The following PRH1 variants were observed in gnomAD, a reference collection of about 807,000 sequenced individuals.
PRH1 encodes salivary acidic proline-rich phosphoprotein 1/2.
Under a neutral mutation model 7.9 loss-of-function variants are expected in PRH1, and 7 were observed. The ratio of observed to expected loss-of-function variants is 0.89; its 90% CI spans 0.50 to 1.67. The LOEUF (loss-of-function observed/expected upper bound fraction) is 1.67, where lower values mean the gene tolerates loss of function less well. PRH1 is among the 40% of genes most tolerant of loss of function. PRH1 has a pLI of 0.00. For missense variants in PRH1, 109 were observed against 223.6 expected, an observed-to-expected ratio of 0.49 and a Z score of 3.27; for synonymous variants, 45 against 80.8, an observed-to-expected ratio of 0.56 and a Z score of 2.38.
intron 2 of PRH1, among the ~76,000 whole-genome samples, chr12:10,901,543 A>G (rs1317346131): frequency 6.6e-6 from 1 of 152,162 alleles, no homozygotes; most frequent in African/African-American, 2.4e-5. Flanking sequence ...AAGGCTGAGC[A>G]GGGAGTTCAC....
chr12:11,150,131 C>T (rs1365570826), intron 1 of PRH1, among the ~76,000 whole-genome samples: 2 of 151,698 alleles, frequency 1.3e-5, no homozygotes, highest in African/African-American at 4.8e-5. Context: ...TACCATCTCA[C>T]ACCAGTTAGA....
chr12:10,947,500 A>G (rs1402356735), intron 2 of PRH1, among the ~76,000 whole-genome samples: 1 of 151,622 alleles, frequency 6.6e-6, no homozygotes, highest in Admixed American at 6.6e-5. Flanking sequence ...TTCTCCATTT[A>G]TTTATTTTGA....
intron 1 of PRH1, among the ~76,000 whole-genome samples, chr12:10,977,922 T>TG (rs1452901032): frequency 6.6e-6 from 1 of 152,020 alleles, no homozygotes; most frequent in Non-Finnish European, 1.5e-5. Context: ...CACAGACAAG[T>TG]GGAAAAAGAT....
intron 1 of PRH1, chr12:11,022,275 A>T: frequency 6.2e-7 from 1 of 1,614,220 alleles, no homozygotes; most frequent in Non-Finnish European, 8.5e-7. Flanking sequence ...TGAGGCTAGC[A>T]GCAAGCCACA....
chr12:10,901,019 C>A (rs1285719078), intron 2 of PRH1, among the ~76,000 whole-genome samples: 1 of 152,186 alleles, frequency 6.6e-6, no homozygotes, highest in East Asian at 1.9e-4. Context: ...CTCCCCTACC[C>A]TTCCTGTGCA....
At chr12:11,153,485 C>T (rs1440768180) in intron 1 of PRH1, among the ~76,000 whole-genome samples, 1 of 152,138 alleles carries the variant, frequency 6.6e-6, no homozygotes, top group African/African-American at 2.4e-5. Flanking sequence ...CCTGTAATGG[C>T]AGATCCCAAA....
chr12:11,045,967 T>G (rs188982614), intron 1 of PRH1, among the ~76,000 whole-genome samples: 2,099 of 152,226 alleles, frequency 0.014, 31 homozygotes, highest in Non-Finnish European at 0.017. Flanking sequence ...AACATGGGGG[T>G]TTTGTAGACC....
At chr12:11,151,108 T>C (rs1947067121) in intron 1 of PRH1, among the ~76,000 whole-genome samples, 1 of 152,102 alleles carries the variant, frequency 6.6e-6, no homozygotes, top group Non-Finnish European at 1.5e-5. Flanking sequence ...CCTGACTGCA[T>C]TTCCCCTCAG....
chr12:11,002,168 C>T (rs887680447), intron 1 of PRH1, among the ~76,000 whole-genome samples: 1 of 151,918 alleles, frequency 6.6e-6, no homozygotes, highest in Non-Finnish European at 1.5e-5. Flanking sequence ...AGACATTATC[C>T]AAATTATTTA....
At chr12:10,915,729 C>A (rs1445342962) in intron 2 of PRH1, among the ~76,000 whole-genome samples, 2 of 152,136 alleles carry the variant, frequency 1.3e-5, no homozygotes, top group African/African-American at 2.4e-5. Flanking sequence ...CAAAGACAGC[C>A]AACAGGATAG....
At chr12:11,163,013 A>G (rs1168109637) in intron 1 of PRH1, among the ~76,000 whole-genome samples, 4 of 152,226 alleles carry the variant, frequency 2.6e-5, no homozygotes, top group Non-Finnish European at 4.4e-5. Flanking sequence ...TTTTAAAAGG[A>G]AAAATGCAGA....
upstream of PRH1, among the ~76,000 whole-genome samples, chr12:11,047,431 G>C (rs1159098481): frequency 6.6e-6 from 1 of 151,828 alleles, no homozygotes; most frequent in Non-Finnish European, 1.5e-5. Flanking sequence ...TTAAGAATGG[G>C]AGACAAAGGG....
intron 1 of PRH1, among the ~76,000 whole-genome samples, chr12:11,066,734 C>G (rs894883260): frequency 6.6e-6 from 1 of 151,444 alleles, no homozygotes; most frequent in Admixed American, 6.6e-5. Context: ...TACTGGAGTT[C>G]AGGGTAGTGA....
At chr12:11,102,366 C>G (rs945197509) in intron 1 of PRH1, among the ~76,000 whole-genome samples, 2 of 152,192 alleles carry the variant, frequency 1.3e-5, no homozygotes, top group East Asian at 1.9e-4. Flanking sequence ...TGGAACAGAA[C>G]AGAGCCCTCA....
At chr12:11,071,047 C>A (rs1944043969) in intron 1 of PRH1, among the ~76,000 whole-genome samples, 1 of 150,788 alleles carries the variant, frequency 6.6e-6, no homozygotes, top group Admixed American at 6.6e-5. Context: ...CTTAGCCATT[C>A]ATAAATGCAA....
chr12:11,171,229 G>C, intron 1 of PRH1: 1 of 543,520 alleles, frequency 1.8e-6, no homozygotes, highest in Non-Finnish European at 2.8e-6. Flanking sequence ...GGCGGCAGCG[G>C]CAAGCTTGGG....
intron 2 of PRH1, among the ~76,000 whole-genome samples, chr12:10,961,569 T>C (rs1412103036): frequency 7.0e-6 from 1 of 143,706 alleles, no homozygotes; most frequent in Non-Finnish European, 1.5e-5. Context: ...CTTCCTCAGA[T>C]TCCCTTAACT....
At chr12:10,908,392 G>C (rs200650602) in intron 2 of PRH1, 1 of 1,609,826 alleles carries the variant, frequency 6.2e-7, no homozygotes, top group Admixed American at 1.7e-5. Context: ...GTTTCTCATC[G>C]TTTAGCCCAT....
chr12:11,004,233 G>A (rs941529760), intron 1 of PRH1, among the ~76,000 whole-genome samples: 2 of 152,056 alleles, frequency 1.3e-5, no homozygotes, highest in South Asian at 4.1e-4. Context: ...GGTGGCTCAC[G>A]CCTGTAATCC....
Sources: allele counts gnomAD v4.1 joint callset (sites outside exome capture counted in the v4.1 genomes callset), GRCh38; gene constraint gnomAD v4.1.1; transcripts MANE v1.5; gene names NCBI Gene and HGNC (gene_info 2026-07-23, HGNC 2026-07-21).